SLC6A12: variants seen among roughly 807,000 people sequenced by gnomAD.
SLC6A12 encodes the protein sodium- and chloride-dependent betaine transporter.
SLC6A12 carries 50 observed loss-of-function variants against 73.3 expected under a neutral mutation model. The observed-to-expected ratio is 0.68, with a 90% confidence interval of 0.54 to 0.86. The LOEUF (loss-of-function observed/expected upper bound fraction) is 0.86, where lower values mean the gene tolerates loss of function less well. Among genes scored for constraint, SLC6A12 ranks in the 40% least tolerant of loss-of-function variants. SLC6A12 has a pLI of 0.00. For synonymous variants in SLC6A12, 304 were observed against 309.2 expected (o/e 0.98, Z 0.18); for missense variants, 648 against 772.8 (o/e 0.84, Z 1.92).
At chr12:201,090 T>G in intron 6 of SLC6A12, 3 of 281,332 alleles carry the variant, frequency 1.1e-5, no homozygotes, top group Non-Finnish European at 2.0e-5. Flanking sequence ...TGCAGGTTGA[T>G]GGGCAAGTGC....
chr12:203,700 A>C (rs146149523), intron 4 of SLC6A12: 6,768 of 152,178 alleles, frequency 0.044, 209 homozygotes, highest in South Asian at 0.16. Flanking sequence ...CCGGTGAACT[A>C]AGCGGACCCG....
At chr12:201,930 T>A in intron 5 of SLC6A12, 81 bp from the exon 6 acceptor site, 1 of 1,242,046 alleles carries the variant, frequency 8.1e-7, no homozygotes, top group Non-Finnish European at 1.2e-6. Flanking sequence ...CCTTGCAGCC[T>A]AGTGGTCCTC....
chr12:196,267 G>C lies in SLC6A12; in HGVS notation c.1189-6C>G, dbSNP rs1369649018. 2 of 1,607,310 alleles carry C rather than the reference G, an allele frequency of 1.2e-6. No individual in the cohort carries two copies. The highest frequency in any genetic ancestry group is 1.7e-6 in the Non-Finnish European group (2 of 1,178,000). ...AGGCACTCCACACAGACAAACTGTG[G>C]GCCAGGAGGGGAACTGGATGAGAGG... On this transcript the variant is annotated splice_polypyrimidine_tract_variant and splice_region_variant and intron_variant, in intron 11 of 15. Transcript: ENST00000684302.
At chr12:189,322 A>G (rs1939503345), downstream of SLC6A12, among the ~76,000 whole-genome samples, 3 of 152,168 alleles carry the variant, frequency 2.0e-5, no homozygotes, top group Admixed American at 6.5e-5. Flanking sequence ...GTTTTCCGCC[A>G]GACCCGGCCT....
At chr12:211,750 C>T (rs375034821) in intron 2 of SLC6A12, among the ~76,000 whole-genome samples, 2 of 152,178 alleles carry the variant, frequency 1.3e-5, no homozygotes, top group African/African-American at 2.4e-5. Flanking sequence ...CTTGAAAACA[C>T]GCATGAAAAT....
chr12:189,374 C>G (rs1337162434), downstream of SLC6A12, among the ~76,000 whole-genome samples: 1 of 152,196 alleles, frequency 6.6e-6, no homozygotes, highest in Admixed American at 6.5e-5. Context: ...CTCTCCTTCT[C>G]TTTCCCCTGG....
At chr12:186,047 G>A (rs1411520433), downstream of SLC6A12, among the ~76,000 whole-genome samples, 3 of 152,162 alleles carry the variant, frequency 2.0e-5, no homozygotes, top group Admixed American at 2.0e-4. Flanking sequence ...TCACAGCAAG[G>A]ACAGGGTGAG....
intron 14 of SLC6A12, chr12:193,042 A>C (rs557930): frequency 0.51 from 263,834 of 513,710 alleles, 71,003 homozygotes; most frequent in Admixed American, 0.65. Context: ...AGCAGGAGGC[A>C]CTGTGAGGAA....
At chr12:187,589 C>CAAAAAAAAAACAAAAAA (rs1939454083), downstream of SLC6A12, among the ~76,000 whole-genome samples, 1 of 106,074 alleles carries the variant, frequency 9.4e-6, no homozygotes, top group South Asian at 3.6e-4. Context: ...TGCAAAAGAG[C>CAAAAAAAAAACAAAAAA]AAAAAAAAAA....
rs1355275691 is a variant in SLC6A12 at position 191,154 on chromosome 12, A to G, written c.1759T>C (p.Cys587Arg). 1.5e-6 allele frequency: 2 copies of G among 1,329,198 alleles called. No individual in the cohort carries two copies. Among genetic ancestry groups the G allele is most frequent in the Non-Finnish European group, 1.9e-6 (2 of 1,027,044 alleles). The allele number at this position is 1,329,198 out of a possible 1,614,324, so 82.3% of individuals were successfully genotyped here. ...TTCCGGCCAGCACTGCCATCCAAGCAGGGATGTTGCTTGGGCTGTGGCAGA... is the reference window on the plus strand; with the variant it reads ...TTCCGGCCAGCACTGCCATCCAAGCGGGGATGTTGCTTGGGCTGTGGCAGA... Reference protein sequence around the residue: ...SSLPQPKQHPCLDGSAGRNFG... With the variant: ...SSLPQPKQHPRLDGSAGRNFG... The change falls in exon 16 of 16, where the codon TGC (cysteine) becomes CGC (arginine). Residue 587 changes from cysteine (C) to arginine (R), a missense_variant. Physicochemically the swap from Cys to Arg is radical, Grantham distance 180 (BLOSUM62 -3). Coordinates refer to ENST00000684302, the MANE Select transcript of SLC6A12 (RefSeq NM_001122848.3).
chr12:196,894 A>G lies in SLC6A12; in HGVS notation c.1076-12T>C. 6.2e-7 allele frequency: 1 copy of G among 1,602,046 alleles called. No individual in the cohort carries two copies. Among genetic ancestry groups the G allele is most frequent in the Non-Finnish European group, 8.6e-7 (1 of 1,169,472 alleles). On this transcript the variant is annotated splice_polypyrimidine_tract_variant and intron_variant, in intron 10 of 15. Coordinates refer to ENST00000684302, the MANE Select transcript of SLC6A12 (RefSeq NM_001122848.3). ...GGCCAGCCCAGGACCTGCCAGGTAC[A>G]CAGCACAGTCAGGGAGGCTCCAGGG...
At chr12:211,105 G>A (rs1423664575) in intron 2 of SLC6A12, 1 of 152,204 alleles carries the variant, frequency 6.6e-6, no homozygotes, top group Admixed American at 6.5e-5. Context: ...CCAGGCTGTA[G>A]AGGGGAGCAC....
chr12:191,846 G>C (rs1939614469), intron 15 of SLC6A12, among the ~76,000 whole-genome samples: 1 of 152,212 alleles, frequency 6.6e-6, no homozygotes, highest in African/African-American at 2.4e-5. Context: ...GCCTCTTTAA[G>C]CAGCCAAACC....
At chr12:211,695 G>A (rs1334357765) in intron 2 of SLC6A12, among the ~76,000 whole-genome samples, 1 of 152,204 alleles carries the variant, frequency 6.6e-6, no homozygotes, top group Non-Finnish European at 1.5e-5. Context: ...CCTGAGAAAT[G>A]ACCCTGGAAT....
chr12:195,535 A>T (rs1205792960), intron 12 of SLC6A12, among the ~76,000 whole-genome samples: 1 of 151,914 alleles, frequency 6.6e-6, no homozygotes, highest in Non-Finnish European at 1.5e-5. Flanking sequence ...GCACTGGGAG[A>T]CTGTGGTGGA....
Position 195,298 on chromosome 12 carries a change from G to C in SLC6A12, c.1356C>G (p.Asp452Glu). 1 of 1,613,200 alleles carries C rather than the reference G, an allele frequency of 6.2e-7. No homozygotes were observed. Among genetic ancestry groups the C allele is most frequent in the Non-Finnish European group, 8.5e-7 (1 of 1,179,092 alleles). The part of the protein sequence containing the change: ...EGGMYIFQLF[D>E]YYASSGICLL... ...GGCATATGCCACTGGAAGCATAGTA[G>C]TCAAACAGCTGGAAGATGTACATCC... Residue 452 changes from aspartate to glutamate, a missense_variant, in exon 13 of 16, where the codon GAC (aspartate) becomes GAG (glutamate). Asp to Glu is a conservative substitution (Grantham distance 45, BLOSUM62 2). Transcript: ENST00000684302.
chr12:188,949 C>G (rs937365606), downstream of SLC6A12, among the ~76,000 whole-genome samples: 9 of 152,188 alleles, frequency 5.9e-5, no homozygotes, highest in Admixed American at 2.6e-4. Flanking sequence ...TGTGGACGCT[C>G]TCAGCCAGGG....
In SLC6A12 at chr12:191,860, T is replaced by C. The variant is rs1373147365; in HGVS notation, c.1701+618A>G. On this transcript the variant is annotated intron_variant, in intron 15 of 15. Transcript: ENST00000684302. ...GGCCTCTTTAAGCAGCCAAACCAAA[T>C]ACCAGCAGCCCTAATCTCTGACCTT... Among the ~76,000 whole-genome samples, 2 of 152,196 alleles carry C rather than the reference T, an allele frequency of 1.3e-5. 1 individual carries two copies.
intron 3 of SLC6A12, among the ~76,000 whole-genome samples, chr12:206,217 C>T (rs1206118543): frequency 6.6e-6 from 1 of 152,212 alleles, no homozygotes. Context: ...ACTCTGTACA[C>T]GTTAAACACT....
Sources: gnomAD v4.1 joint callset for allele counts (sites outside exome capture counted in the v4.1 genomes callset) on GRCh38, gnomAD v4.1.1 for gene constraint, MANE v1.5 for transcripts, NCBI Gene and HGNC (gene_info 2026-07-23, HGNC 2026-07-21) for gene names.